The following GREB1 variants were observed in gnomAD, a reference collection of about 807,000 sequenced individuals.
The protein encoded by GREB1 is growth regulating estrogen receptor binding 1.
A neutral mutation model predicts 200.7 loss-of-function variants in GREB1; 106 were observed. The ratio of observed to expected loss-of-function variants is 0.53; its 90% CI spans 0.45 to 0.62. GREB1 has a LOEUF of 0.62. Ranked by LOEUF, GREB1 falls within the 20% of genes least tolerant of loss-of-function variation. The pLI is 0.00. For missense variants in GREB1, 2,243 were observed against 2,556.8 expected, an observed-to-expected ratio of 0.88 and a Z score of 2.65; for synonymous variants, 1,132 against 1,092.4, an observed-to-expected ratio of 1.04 and a Z score of -0.72.
chr2:11,553,745 T>C (rs1676162643), intron 1 of GREB1, among the ~76,000 whole-genome samples: 1 of 152,166 alleles, frequency 6.6e-6, no homozygotes, highest in Non-Finnish European at 1.5e-5. Context: ...TTTTCCTTCT[T>C]CATTTTTATT....
At chr2:11,605,425 C>T (rs1228922933) in intron 17 of GREB1, among the ~76,000 whole-genome samples, 1 of 151,848 alleles carries the variant, frequency 6.6e-6, no homozygotes, top group African/African-American at 2.4e-5. Context: ...GGGGTTTCAC[C>T]ACGTTGGTCA....
At chr2:11,578,178 G>A (rs1012584120) in intron 5 of GREB1, 119 bp from the exon 6 acceptor site, 4 of 1,082,706 alleles carry the variant, frequency 3.7e-6, no homozygotes, top group Non-Finnish European at 5.4e-6. Flanking sequence ...TGTGGTGGCA[G>A]CTTGTGTGGC....
rs1360444226 is a variant in GREB1, at chr2:11,640,253, C to T, written c.5687-38C>T. The T allele has an allele frequency of 1.3e-6, 2 of 1,585,922 alleles. No individual in the cohort carries two copies. The highest frequency in any genetic ancestry group is 1.8e-5 in the Admixed American group (1 of 54,582). On this transcript the variant is annotated intron_variant, in intron 32 of 32. Coordinates refer to ENST00000381486, the MANE Select transcript of GREB1 (RefSeq NM_014668.4). This position sits in a 1 kb window ranked among gnomAD's most constrained non-coding sequence, Gnocchi z 4.6. The stretch of plus-strand genomic sequence containing the variant: ...AGCCGCTTTCCTCTGGATAAACTCA[C>T]CTTTTCCCTTCCCACACCTCTGCCG...
At chr2:11,595,822 C>T (rs1681157060) in intron 12 of GREB1, among the ~76,000 whole-genome samples, 1 of 152,170 alleles carries the variant, frequency 6.6e-6, no homozygotes, top group East Asian at 1.9e-4. Context: ...CCCTAGAAAG[C>T]TTCTCAGACC....
chr2:11,636,328 A>T (rs918846382), intron 30 of GREB1, among the ~76,000 whole-genome samples: 1 of 152,100 alleles, frequency 6.6e-6, no homozygotes, highest in Non-Finnish European at 1.5e-5. Flanking sequence ...TTTAAAACGA[A>T]CTTTTCTTTT....
At chr2:11,537,610 A>G (rs1022026355) in intron 1 of GREB1, among the ~76,000 whole-genome samples, 2 of 148,860 alleles carry the variant, frequency 1.3e-5, no homozygotes, top group South Asian at 4.2e-4. Context: ...AAAATATAAT[A>G]AATAGTATAT....
chr2:11,591,980 C>T, intron 10 of GREB1: 1 of 983,104 alleles, frequency 1.0e-6, no homozygotes, highest in East Asian at 1.1e-4. Flanking sequence ...AATACTAATT[C>T]CAGCAATACA....
At position 11,572,195 on chromosome 2, in the gene GREB1, G is replaced by A. The variant is rs533693744; in HGVS notation, c.455-4158G>A. ...GTGGCCTAGAGTAAGGCCCTTCTGA[G>A]CATCCACTCTCCTGGGAAGGCACTG... On this transcript the variant is annotated intron_variant, in intron 4 of 32. Coordinates refer to ENST00000381486, the MANE Select transcript of GREB1 (RefSeq NM_014668.4). Among the ~76,000 whole-genome samples, 57 of 152,372 alleles carry A rather than the reference G, an allele frequency of 3.7e-4. No homozygotes were observed. In the East Asian group the frequency reaches 9.8e-3, roughly 26 times the overall value.
intron 15 of GREB1, among the ~76,000 whole-genome samples, chr2:11,599,119 G>C (rs1681527546): frequency 6.6e-6 from 1 of 152,168 alleles, no homozygotes; most frequent in Non-Finnish European, 1.5e-5. Context: ...GAGTCACAGG[G>C]TGGGGTGGAG....
chr2:11,509,358 G>C (rs1673286216), intron 1 of GREB1, among the ~76,000 whole-genome samples: 2 of 151,966 alleles, frequency 1.3e-5, no homozygotes, highest in Admixed American at 6.6e-5. Flanking sequence ...ACATGTGGGC[G>C]ATTTTGTTTT....
intron 10 of GREB1, among the ~76,000 whole-genome samples, chr2:11,589,904 A>G (rs1331155303): frequency 6.6e-6 from 1 of 152,200 alleles, no homozygotes; most frequent in Non-Finnish European, 1.5e-5. Flanking sequence ...CAAGATGCCC[A>G]CGAGACAGTC....
At chr2:11,494,877 T>C (rs1468382635) in intron 1 of GREB1, among the ~76,000 whole-genome samples, 1 of 152,202 alleles carries the variant, frequency 6.6e-6, no homozygotes, top group Non-Finnish European at 1.5e-5. Context: ...AGCCCCCAAC[T>C]TGTTATGACT....
intron 1 of GREB1, among the ~76,000 whole-genome samples, chr2:11,501,042 G>A (rs1239043052): frequency 6.6e-6 from 1 of 152,182 alleles, no homozygotes; most frequent in Admixed American, 6.5e-5. Context: ...TCTTACATGA[G>A]GTAGTGACAA....
At chr2:11,578,756 G>C (rs990498866) in intron 6 of GREB1, among the ~76,000 whole-genome samples, 3 of 152,198 alleles carry the variant, frequency 2.0e-5, no homozygotes, top group Non-Finnish European at 4.4e-5. Flanking sequence ...GTCAGGGTTT[G>C]AATGAATTGC....
At position 11,632,046 on chromosome 2, in the gene GREB1, T is replaced by G. The variant is rs767637480; in HGVS notation, c.4749T>G (p.Ile1583Met). The G allele has an allele frequency of 3.1e-6, 5 of 1,613,950 alleles. No individual in the cohort carries two copies. The South Asian group carries it at 4.4e-5, about 14-fold the overall frequency. The change falls in exon 27 of 33, where the codon ATT (isoleucine) becomes ATG (methionine). Residue 1583 changes from isoleucine to methionine, a missense_variant. This residue lies in a region of GREB1 where 478 missense variants were observed against 616.3 expected (regional missense o/e 0.78). Transcript: ENST00000381486. Reference sequence around the variant, plus strand: ...TTGTCAAGGAATACGAGATGGCAATTTATAAGAAATATTGGCCCAACCACA... The same window carrying G: ...TTGTCAAGGAATACGAGATGGCAATGTATAAGAAATATTGGCCCAACCACA... The part of the protein sequence containing the change: ...VLVVKEYEMA[I>M]YKKYWPNHIM...
At chr2:11,506,616 T>G (rs2148439249) in intron 1 of GREB1, among the ~76,000 whole-genome samples, 1 of 152,348 alleles carries the variant, frequency 6.6e-6, no homozygotes, top group Non-Finnish European at 1.5e-5. Flanking sequence ...CCCAAATTAG[T>G]TAGAAATGAT....
At chr2:11,575,169 G>T (rs116476576) in intron 4 of GREB1, among the ~76,000 whole-genome samples, 1 of 152,204 alleles carries the variant, frequency 6.6e-6, no homozygotes, top group Non-Finnish European at 1.5e-5. Flanking sequence ...CCTAAGGCAC[G>T]ATGACCTTTG....
chr2:11,520,688 C>T (rs2148470999), intron 1 of GREB1, among the ~76,000 whole-genome samples: 1 of 152,136 alleles, frequency 6.6e-6, no homozygotes, highest in Admixed American at 6.5e-5. Context: ...TTTTTAAAGA[C>T]TCACGTGATT....
chr2:11,566,742 A>G (rs1200154649), intron 4 of GREB1, 86 bp downstream of exon 4: 9 of 1,244,590 alleles, frequency 7.2e-6, no homozygotes, highest in Non-Finnish European at 9.9e-6. Flanking sequence ...GGTGGTGGCA[A>G]CAGAGGGACC....
Sources: gnomAD v4.1 joint callset for allele counts (sites outside exome capture counted in the v4.1 genomes callset) on GRCh38, gnomAD v4.1.1 for gene constraint, gnomAD v4.1.1 regional missense constraint, Gnocchi (gnomAD v3.1) non-coding constraint, MANE v1.5 for transcripts, NCBI Gene and HGNC (gene_info 2026-07-23, HGNC 2026-07-21) for gene names.